The following PIR variants were observed in gnomAD, a reference collection of about 807,000 sequenced individuals.
PIR encodes pirin, also known as pirin (iron-binding nuclear protein).
PIR carries 22 observed loss-of-function variants against 24.2 expected under a neutral mutation model. That is an observed-to-expected ratio of 0.91 (90% CI 0.65 to 1.30). PIR has a LOEUF of 1.30. PIR is among the 50% of genes most tolerant of loss of function. PIR has a pLI of 0.00. For synonymous variants in PIR, 80 were observed against 79.6 expected (o/e 1.00, Z -0.03); for missense variants, 220 against 220.3 (o/e 1.00, Z 0.01).
intron 2 of PIR, among the ~76,000 whole-genome samples, chrX:15,485,788 C>G (rs1922777374): frequency 8.9e-6 from 1 of 112,227 alleles, no homozygotes; most frequent in Non-Finnish European, 1.9e-5. Flanking sequence ...CGTCAAACTT[C>G]CTAACATTCT....
chrX:15,478,858 C>T (rs1053516873), intron 3 of PIR, among the ~76,000 whole-genome samples: 1 of 111,635 alleles, frequency 9.0e-6, no homozygotes, highest in African/African-American at 3.3e-5. Flanking sequence ...GCCTGCATAT[C>T]GCCAGCCTTC....
chrX:15,434,932 C>T (rs763943677), intron 5 of PIR, among the ~76,000 whole-genome samples: 83 of 111,558 alleles, frequency 7.4e-4, no homozygotes, highest in Non-Finnish European at 3.6e-4. Context: ...AATCTATGGC[C>T]GGGTACAGTG....
chrX:15,441,011 G>A (rs1925898129), intron 5 of PIR, among the ~76,000 whole-genome samples: 1 of 111,804 alleles, frequency 8.9e-6, no homozygotes, highest in African/African-American at 3.3e-5. Flanking sequence ...TGATAAATGT[G>A]TCTTTTATTA....
chrX:15,417,928 T>A (rs1264186053), intron 6 of PIR, among the ~76,000 whole-genome samples: 2 of 111,776 alleles, frequency 1.8e-5, no homozygotes, highest in Admixed American at 1.9e-4. Context: ...CTTAGTCACA[T>A]CTGCAAAGTC....
rs372978802 is a variant in PIR, at chrX:15,479,850, G to C, written c.97-29C>G. 5.6e-5 allele frequency: 48 copies of C among 864,829 alleles called. No homozygotes were observed. In the African/African-American group the frequency reaches 7.6e-4, roughly 14 times the overall value. 71.3% of individuals were successfully genotyped at this position (864,829 alleles called of 1,213,427 possible). ...AAATAAAAATAAAATTTGCAGATTA[G>C]ATATGTCTTTTAAGCCATACTACCA... On this transcript the variant is annotated intron_variant, in intron 2 of 9. Coordinates refer to ENST00000380420, the MANE Select transcript of PIR (RefSeq NM_001018109.3).
intron 2 of PIR, 101 bp from the exon 3 acceptor site, chrX:15,479,922 A>G: frequency 2.6e-6 from 1 of 378,719 alleles, no homozygotes; most frequent in Non-Finnish European, 4.5e-6. Flanking sequence ...TGAAAACTAC[A>G]TAGCCAATGG....
rs550223842 is a variant in PIR at position 15,431,027 on chromosome X, T to C, written c.481-5037A>G. ...ATAAATTGTGAATGTAATAAATGCA[T>C]TCACAGTTCTTTGGGGGAACTATTT... is the stretch of plus-strand genomic sequence containing the variant. On this transcript the variant is annotated intron_variant, in intron 5 of 9. Transcript: ENST00000380420. Among the ~76,000 whole-genome samples the C allele has an allele frequency of 3.5e-4, 39 of 112,316 alleles. No individual in the cohort carries two copies. In the South Asian group the frequency reaches 0.014, roughly 40 times the overall value.
At chrX:15,446,883 T>A (rs1383055668) in intron 5 of PIR, among the ~76,000 whole-genome samples, 1 of 111,988 alleles carries the variant, frequency 8.9e-6, no homozygotes. Flanking sequence ...GCCAAAGGAA[T>A]ACTGAACAGC....
At chrX:15,433,249 G>T (rs1420900662) in intron 5 of PIR, among the ~76,000 whole-genome samples, 1 of 111,049 alleles carries the variant, frequency 9.0e-6, no homozygotes, top group Non-Finnish European at 1.9e-5. Flanking sequence ...TCAGGACTGA[G>T]ATCCAGGGAA....
intron 8 of PIR, among the ~76,000 whole-genome samples, chrX:15,394,886 C>T (rs1424627932): frequency 1.8e-5 from 2 of 112,172 alleles, no homozygotes; most frequent in Non-Finnish European, 3.8e-5. Flanking sequence ...TCCTCCTCTC[C>T]TGTCCTGGAG....
chrX:15,469,880 G>A (rs1921794746), intron 3 of PIR, among the ~76,000 whole-genome samples: 1 of 111,501 alleles, frequency 9.0e-6, no homozygotes, highest in African/African-American at 3.3e-5. Flanking sequence ...CTTACAGATA[G>A]GAAAATTCAG....
At chrX:15,420,077 G>C (rs902811918) in intron 6 of PIR, among the ~76,000 whole-genome samples, 7 of 104,787 alleles carry the variant, frequency 6.7e-5, no homozygotes, top group Non-Finnish European at 1.2e-4. Context: ...TGCGCCTGTA[G>C]TCTCAGGTAC....
chrX:15,437,936 C>G (rs1925800837), intron 5 of PIR, among the ~76,000 whole-genome samples: 1 of 112,653 alleles, frequency 8.9e-6, no homozygotes, highest in South Asian at 3.6e-4. Flanking sequence ...AACTTTCCCT[C>G]TTACGCAACC....
chrX:15,430,099 A>G (rs191774077), intron 5 of PIR, among the ~76,000 whole-genome samples: 4 of 112,436 alleles, frequency 3.6e-5, no homozygotes, highest in African/African-American at 1.3e-4. Flanking sequence ...CTATCAATGA[A>G]TCTATTTCCA....
intron 5 of PIR, among the ~76,000 whole-genome samples, chrX:15,450,940 A>G (rs1275199646): frequency 2.7e-5 from 3 of 111,571 alleles, no homozygotes; most frequent in African/African-American, 9.8e-5. Flanking sequence ...GTACAGGAAA[A>G]ATCGTGTGTG....
chrX:15,454,608 G>T, intron 5 of PIR, among the ~76,000 whole-genome samples: 1 of 111,653 alleles, frequency 9.0e-6, no homozygotes, highest in Non-Finnish European at 1.9e-5. Flanking sequence ...CCATTGAGTG[G>T]TTGGTTAGTA....
intron 3 of PIR, among the ~76,000 whole-genome samples, chrX:15,477,932 A>G (rs1922285917): frequency 9.0e-6 from 1 of 111,343 alleles, no homozygotes; most frequent in Admixed American, 9.6e-5. Flanking sequence ...AAAATTCTTA[A>G]AAGAGCCAAA....
At chrX:15,468,744 G>C (rs1921730890) in intron 3 of PIR, among the ~76,000 whole-genome samples, 1 of 112,232 alleles carries the variant, frequency 8.9e-6, no homozygotes. Flanking sequence ...AAAGGGGTCT[G>C]AGAGAGGGAT....
intron 2 of PIR, among the ~76,000 whole-genome samples, chrX:15,483,704 A>G (rs758879474): frequency 8.9e-6 from 1 of 112,413 alleles, no homozygotes; most frequent in African/African-American, 3.2e-5. Flanking sequence ...CTTATTATAC[A>G]TTGCTTTCTC....
Sources: gnomAD v4.1 joint callset for allele counts (sites outside exome capture counted in the v4.1 genomes callset) on GRCh38, gnomAD v4.1.1 for gene constraint, MANE v1.5 for transcripts, NCBI Gene and HGNC (gene_info 2026-07-23, HGNC 2026-07-21) for gene names.